ATP10B: variants seen among roughly 807,000 people sequenced by gnomAD.
ATP10B encodes ATPase phospholipid transporting 10B (putative).
Under a neutral mutation model 141.2 loss-of-function variants are expected in ATP10B, and 122 were observed. That is an observed-to-expected ratio of 0.86 (90% CI 0.75 to 1.00). ATP10B has a LOEUF of 1.00. Among genes scored for constraint, ATP10B ranks in the 50% least tolerant of loss-of-function variants. The pLI is 0.00. For synonymous variants in ATP10B, 685 were observed against 692.0 expected (o/e 0.99, Z 0.16); for missense variants, 1,876 against 1,825.3 (o/e 1.03, Z -0.51).
chr5:160,708,387 C>T (rs1765147475), intron 3 of ATP10B, among the ~76,000 whole-genome samples: 1 of 152,188 alleles, frequency 6.6e-6, no homozygotes, highest in Non-Finnish European at 1.5e-5. Flanking sequence ...AACACCCCAT[C>T]TAGTGAGTGG....
In ATP10B at chr5:160,775,588, C is replaced by A. The variant is rs1770240108; in HGVS notation, c.-331+9971G>T. Among the ~76,000 whole-genome samples, 2 of 151,650 alleles carry A rather than the reference C, an allele frequency of 1.3e-5. 1 individual carries two copies. Among genetic ancestry groups the A allele is most frequent in the Admixed American group, 1.3e-4 (2 of 15,216 alleles). On this transcript the variant is annotated intron_variant, in intron 2 of 25. Transcript: ENST00000327245. ...CCTTTAAACAACGTAATGAACTATT[C>A]TTGTATGTTGCCTGGGTTCAAATCC...
At chr5:160,660,017 G>C (rs1440801473) in intron 7 of ATP10B, among the ~76,000 whole-genome samples, 2 of 152,120 alleles carry the variant, frequency 1.3e-5, no homozygotes, top group Admixed American at 1.3e-4. Context: ...CAACCTCATA[G>C]AATTTCTGTG....
chr5:160,621,581 T>C (rs1758353395), intron 14 of ATP10B, among the ~76,000 whole-genome samples: 1 of 152,232 alleles, frequency 6.6e-6, no homozygotes, highest in South Asian at 2.1e-4. Context: ...TCTGATAACA[T>C]GCTGACTTTT....
intron 1 of ATP10B, among the ~76,000 whole-genome samples, chr5:160,826,519 G>A (rs1774614612): frequency 6.6e-6 from 1 of 152,094 alleles, no homozygotes; most frequent in Non-Finnish European, 1.5e-5. Flanking sequence ...CAAATTGATT[G>A]TAAAATATGT....
intron 1 of ATP10B, among the ~76,000 whole-genome samples, chr5:160,817,002 T>G (rs1479507042): frequency 2.6e-5 from 4 of 152,156 alleles, no homozygotes; most frequent in Non-Finnish European, 5.9e-5. Context: ...GGGACGTATA[T>G]CAAAATGATA....
chr5:160,837,632 T>TCTC (rs58183537), intron 1 of ATP10B, among the ~76,000 whole-genome samples: 118,475 of 151,638 alleles, frequency 0.78, 47,405 homozygotes, highest in East Asian at 0.98. Flanking sequence ...TTGTTGTAGT[T>TCTC]CTCTCTGAAG....
At chr5:160,607,209 T>C (rs1581191575) in intron 18 of ATP10B, 123 bp from the exon 19 acceptor site, 1 of 816,564 alleles carries the variant, frequency 1.2e-6, no homozygotes, top group East Asian at 2.7e-5. Context: ...ATTTACAAGC[T>C]ATTCTCCAAT....
chr5:160,751,142 A>C (rs138155941), intron 2 of ATP10B, among the ~76,000 whole-genome samples: 24 of 152,266 alleles, frequency 1.6e-4, no homozygotes, highest in Non-Finnish European at 3.2e-4. Flanking sequence ...GTGCATTATT[A>C]AGCACAGCAC....
At chr5:160,857,498 TTTC>T in the ATP10B span, among the ~76,000 whole-genome samples, 25 of 151,836 alleles carry the variant, frequency 1.6e-4, no homozygotes, top group Non-Finnish European at 3.1e-4. Context: ...CTTTGTTGAT[TTTC>T]TTGTTTTCAA....
chr5:160,620,517 C>T lies in ATP10B; in HGVS notation c.2246G>A (p.Arg749His), dbSNP rs371457894. ...VSRTPEQVTV[R>H]LPQGTCLTFS... ...GGTGAGGCAGGTGCCCTGGGGCAGG[C>T]GCACAGTCACCTGCTCAGGTGTCCG... The change falls in exon 15 of 26, where the codon CGC becomes CAC. Residue 749 changes from arginine (R) to histidine (H), a missense_variant. Physicochemically the swap from Arg to His is conservative, Grantham distance 29 (BLOSUM62 0). Coordinates refer to ENST00000327245, the MANE Select transcript of ATP10B (RefSeq NM_025153.3). 61 of 1,614,102 alleles carry T rather than the reference C, an allele frequency of 3.8e-5. No homozygotes were observed. The highest frequency in any genetic ancestry group is 2.0e-4 in the East Asian group (9 of 44,868).
At chr5:160,677,410 T>C (rs947104714) in intron 6 of ATP10B, among the ~76,000 whole-genome samples, 1 of 152,194 alleles carries the variant, frequency 6.6e-6, no homozygotes, top group African/African-American at 2.4e-5. Context: ...TCTGCTGGTC[T>C]GTAAGTCCAG....
chr5:160,742,360 G>A (rs1767536701), intron 2 of ATP10B, among the ~76,000 whole-genome samples: 4 of 151,592 alleles, frequency 2.6e-5, no homozygotes, highest in Admixed American at 2.6e-4. Context: ...GAAGACACAG[G>A]AGTCCATAAT....
chr5:160,921,544 C>CCAGA, the ATP10B span, among the ~76,000 whole-genome samples: 4 of 152,200 alleles, frequency 2.6e-5, no homozygotes, highest in Non-Finnish European at 4.4e-5. Context: ...GGTCTCAGAA[C>CCAGA]CAGAGCTTTC....
At chr5:160,921,918 A>T in the ATP10B span, among the ~76,000 whole-genome samples, 5 of 152,224 alleles carry the variant, frequency 3.3e-5, no homozygotes, top group Non-Finnish European at 7.3e-5. Context: ...ACCACAAAGC[A>T]GTTCCTCTTT....
chr5:160,662,743 C>G (rs1762027610), intron 7 of ATP10B, among the ~76,000 whole-genome samples: 1 of 152,180 alleles, frequency 6.6e-6, no homozygotes, highest in South Asian at 2.1e-4. Context: ...TGGGCAAGGA[C>G]TTCATGTCTG....
intron 1 of ATP10B, among the ~76,000 whole-genome samples, chr5:160,844,962 C>T (rs2127989536): frequency 6.6e-6 from 1 of 152,260 alleles, no homozygotes; most frequent in African/African-American, 2.4e-5. Context: ...GATTTGTGTG[C>T]CTGTTGGGCA....
At chr5:160,739,039 A>G (rs763698292) in intron 2 of ATP10B, among the ~76,000 whole-genome samples, 1 of 152,226 alleles carries the variant, frequency 6.6e-6, no homozygotes, top group Non-Finnish European at 1.5e-5. Flanking sequence ...TTTAATATAC[A>G]AAAATCAATG....
intron 3 of ATP10B, among the ~76,000 whole-genome samples, chr5:160,696,267 T>C (rs1403685857): frequency 6.6e-6 from 1 of 152,068 alleles, no homozygotes. Flanking sequence ...CCATCATGCC[T>C]GGCAAAATTT....
chr5:160,857,825 ATAAC>A, the ATP10B span, among the ~76,000 whole-genome samples: 5 of 151,860 alleles, frequency 3.3e-5, no homozygotes, highest in Admixed American at 1.3e-4. Context: ...TTATCTTTCT[ATAAC>A]TAATTTCTAG....
Sources: gnomAD v4.1 joint callset for allele counts (sites outside exome capture counted in the v4.1 genomes callset) on GRCh38, gnomAD v4.1.1 for gene constraint, MANE v1.5 for transcripts, NCBI Gene and HGNC (gene_info 2026-07-23, HGNC 2026-07-21) for gene names.